The following ADSS1 variants were observed in gnomAD, a reference collection of about 807,000 sequenced individuals.
ADSS1 encodes adenylosuccinate synthase 1.
In ADSS1, 57 loss-of-function variants were observed where a neutral mutation model predicts 59.1. The ratio of observed to expected loss-of-function variants is 0.97; its 90% CI spans 0.78 to 1.20. The LOEUF is 1.20. Ranked by LOEUF, ADSS1 falls within the 50% of genes most tolerant of loss-of-function variation. The pLI, the probability that ADSS1 is intolerant of heterozygous loss-of-function variation, is 0.00. For synonymous variants in ADSS1, 247 were observed against 249.4 expected (o/e 0.99, Z 0.09); for missense variants, 603 against 610.3 (o/e 0.99, Z 0.13).
Position 104,740,334 on chromosome 14 carries a change from C to T in ADSS1, c.477-267C>T, listed in dbSNP as rs547440347. On this transcript the variant is annotated intron_variant, in intron 5 of 12. Transcript: ENST00000330877. The surrounding 1 kb of genome is among the most constrained non-coding windows in gnomAD (Gnocchi z 4.8). ...TGCACATGTGCACACGCCACACAAG[C>T]CCACACACCCACGCAAATGCACAAA... is the stretch of plus-strand genomic sequence containing the variant. 2.5e-4 allele frequency among the ~76,000 whole-genome samples: 38 copies of T among 152,138 alleles called. No homozygotes were observed. The highest frequency in any genetic ancestry group is 8.4e-4 in the African/African-American group (35 of 41,464).
chr14:104,724,327 G>A lies in ADSS1; in HGVS notation c.57G>A (p.Arg19=). 2 of 1,239,632 alleles carry A rather than the reference G, an allele frequency of 1.6e-6. No homozygotes were observed. The highest frequency in any genetic ancestry group is 1.0e-6 in the Non-Finnish European group (1 of 988,788). 76.8% of individuals were successfully genotyped at this position (1,239,632 alleles called of 1,614,324 possible). A position where few individuals can be genotyped will look rare whatever the true frequency, so the allele number is the denominator to read the frequency against. ...DRPPGAGGVK[R]GRLQQEAAAT... ...CCCCCGGCGCAGGCGGCGTCAAGCG[G>A]GGGCGGCTGCAGCAGGAGGCGGCGG... is the stretch of plus-strand genomic sequence containing the variant. The change falls in exon 1 of 13, where the codon CGG becomes CGA. Residue 19 remains arginine, a synonymous_variant. Transcript: ENST00000330877.
intron 1 of ADSS1, among the ~76,000 whole-genome samples, chr14:104,729,503 T>C (rs1001235530): frequency 2.6e-5 from 3 of 115,348 alleles, no homozygotes; most frequent in Non-Finnish European, 3.7e-5. Context: ...GGAGGTAGCG[T>C]CGGCGTGGGG....
chr14:104,729,974 T>A (rs757487248), intron 1 of ADSS1: 1 of 1,594,652 alleles, frequency 6.3e-7, no homozygotes, highest in Non-Finnish European at 8.5e-7. Flanking sequence ...GACCCTCAGC[T>A]CGTCCCCAGC....
chr14:104,735,225 TG>T (rs1891075259), intron 2 of ADSS1, 103 bp downstream of exon 2: 1 of 1,084,662 alleles, frequency 9.2e-7, no homozygotes, highest in African/African-American at 1.6e-5. Context: ...TGGTGATGAC[TG>T]CTCTAGCAGT....
chr14:104,733,259 A>T (rs959859700), intron 1 of ADSS1, among the ~76,000 whole-genome samples: 3 of 152,144 alleles, frequency 2.0e-5, no homozygotes, highest in African/African-American at 7.2e-5. Flanking sequence ...GTTTCCTATA[A>T]GGACTGGGCC....
chr14:104,731,867 C>T (rs1244756884), intron 1 of ADSS1, among the ~76,000 whole-genome samples: 1 of 152,164 alleles, frequency 6.6e-6, no homozygotes, highest in Non-Finnish European at 1.5e-5. Flanking sequence ...ACAAGCAGAC[C>T]CTGAGGGGCC....
intron 2 of ADSS1, among the ~76,000 whole-genome samples, chr14:104,736,911 T>TATATATATATATATA (rs1566798291): frequency 1.4e-5 from 2 of 143,284 alleles, no homozygotes; most frequent in African/African-American, 5.3e-5. Flanking sequence ...TATATATATA[T>TATATATATATATATA]ATGCATTTTT....
Position 104,735,289 on chromosome 14 carries a change from T to A in ADSS1, c.295+167T>A, listed in dbSNP as rs576279934. ...CACCAGGCACTGGTGCACAGAAACC[T>A]GCATAGCCCGGGCCTGGGCTGGGAA... On this transcript the variant is annotated intron_variant, in intron 2 of 12. Transcript: ENST00000330877. 1.6e-4 allele frequency among the ~76,000 whole-genome samples: 24 copies of A among 152,278 alleles called. 1 individual carries two copies. The highest frequency in any genetic ancestry group is 1.6e-3 in the Admixed American group (24 of 15,302).
Position 104,740,347 on chromosome 14 carries a change from G to A in ADSS1, c.477-254G>A, listed in dbSNP as rs558576258. On this transcript the variant is annotated intron_variant, in intron 5 of 12. Coordinates refer to ENST00000330877, the MANE Select transcript of ADSS1 (RefSeq NM_152328.5). This position sits in a 1 kb window ranked among gnomAD's most constrained non-coding sequence, Gnocchi z 4.8. Reference sequence around the variant, plus strand: ...ACGCCACACAAGCCCACACACCCACGCAAATGCACAAAAGTACACACAGCC... The same window carrying A: ...ACGCCACACAAGCCCACACACCCACACAAATGCACAAAAGTACACACAGCC... Among the ~76,000 whole-genome samples the A allele has an allele frequency of 2.6e-5, 4 of 151,860 alleles. No individual in the cohort carries two copies. The highest frequency in any genetic ancestry group is 5.9e-5 in the Non-Finnish European group (4 of 67,958).
At chr14:104,727,062 GTTGCTGCT>G (rs1890736476) in intron 1 of ADSS1, among the ~76,000 whole-genome samples, 1 of 152,210 alleles carries the variant, frequency 6.6e-6, no homozygotes, top group South Asian at 2.1e-4. Context: ...CTTGGCAAGA[GTTGCTGCT>G]TTGCTCACCC....
intron 1 of ADSS1, among the ~76,000 whole-genome samples, chr14:104,733,347 G>C (rs890282468): frequency 6.6e-6 from 1 of 152,344 alleles, no homozygotes. Context: ...AGGGCTCTGA[G>C]TGCTGCCTAA....
rs577790277 is a variant in ADSS1 at position 104,735,133 on chromosome 14, T to C, written c.295+11T>C. ...CCGTGTCCTTCATTGGTGAGTGCCCTGCCCCGACCTGTGTGTGAGCAGGAA... is the reference window on the plus strand; with the variant it reads ...CCGTGTCCTTCATTGGTGAGTGCCCCGCCCCGACCTGTGTGTGAGCAGGAA... On this transcript the variant is annotated intron_variant, in intron 2 of 12. Coordinates refer to ENST00000330877, the MANE Select transcript of ADSS1 (RefSeq NM_152328.5). The C allele has an allele frequency of 5.7e-6, 9 of 1,592,242 alleles. No homozygotes were observed. In the South Asian group the frequency reaches 1.0e-4, roughly 18 times the overall value.
At chr14:104,728,922 G>A (rs1890799420) in intron 1 of ADSS1, among the ~76,000 whole-genome samples, 1 of 152,194 alleles carries the variant, frequency 6.6e-6, no homozygotes, top group South Asian at 2.1e-4. Context: ...GGTATAGCAT[G>A]GGCCTGGCAC....
At chr14:104,735,744 C>T (rs1246693800) in intron 2 of ADSS1, among the ~76,000 whole-genome samples, 4 of 152,148 alleles carry the variant, frequency 2.6e-5, no homozygotes, top group East Asian at 1.9e-4. Context: ...CTCAGTGCTC[C>T]AAGAGGCGAG....
Position 104,724,348 on chromosome 14 carries a change from G to T in ADSS1, c.78G>T (p.Ala26=). 1 of 1,243,530 alleles carries T rather than the reference G, an allele frequency of 8.0e-7. No individual in the cohort carries two copies. The highest frequency in any genetic ancestry group is 3.1e-5 in the East Asian group (1 of 32,020). The allele number at this position is 1,243,530 out of a possible 1,614,324, so 77.0% of individuals were successfully genotyped here. ...GVKRGRLQQE[A]AATGSRVTVV... is the part of the protein sequence containing the mutation. Reference sequence around the variant, plus strand: ...AGCGGGGGCGGCTGCAGCAGGAGGCGGCGGCGACCGGCTCCCGCGTGACGG... The same window carrying T: ...AGCGGGGGCGGCTGCAGCAGGAGGCTGCGGCGACCGGCTCCCGCGTGACGG... The change falls in exon 1 of 13, where the codon GCG becomes GCT. Residue 26 remains alanine, a synonymous_variant. Coordinates refer to ENST00000330877, the MANE Select transcript of ADSS1 (RefSeq NM_152328.5).
At chr14:104,730,773 C>T (rs1413451687) in intron 1 of ADSS1, among the ~76,000 whole-genome samples, 2 of 151,928 alleles carry the variant, frequency 1.3e-5, no homozygotes, top group Admixed American at 6.6e-5. Context: ...CCTTCCCTGG[C>T]CCCCAGAGGG....
intron 3 of ADSS1, 42 bp downstream of exon 3, chr14:104,738,480 G>A: frequency 1.2e-6 from 2 of 1,605,820 alleles, no homozygotes; most frequent in Non-Finnish European, 1.7e-6. Context: ...CCCAGACGCG[G>A]TGCCCTGAGC....
chr14:104,732,324 G>A (rs1283441891), intron 1 of ADSS1, among the ~76,000 whole-genome samples: 1 of 152,218 alleles, frequency 6.6e-6, no homozygotes, highest in African/African-American at 2.4e-5. Flanking sequence ...AGGAAAGGCA[G>A]GAGGACTTCT....
At chr14:104,735,526 TGCGTGGCGACCAG>T in intron 2 of ADSS1, among the ~76,000 whole-genome samples, 1 of 152,280 alleles carries the variant, frequency 6.6e-6, no homozygotes, top group South Asian at 2.1e-4. Flanking sequence ...GGCTTCTCGC[TGCGTGGCGACCAG>T]GCTGTGTGGA....
Sources: allele counts gnomAD v4.1 joint callset (sites outside exome capture counted in the v4.1 genomes callset), GRCh38; gene constraint gnomAD v4.1.1; non-coding constraint Gnocchi (gnomAD v3.1); transcripts MANE v1.5; gene names NCBI Gene and HGNC (gene_info 2026-07-23, HGNC 2026-07-21).